Variants in GAREM1 observed in about 807,000 individuals in gnomAD.
The protein encoded by GAREM1 is GRB2-associated and regulator of MAPK protein 1.
GAREM1 carries 26 observed loss-of-function variants against 71.3 expected under a neutral mutation model. The ratio of observed to expected loss-of-function variants is 0.36; its 90% CI spans 0.27 to 0.51. The LOEUF is 0.51. Ranked by LOEUF, GAREM1 falls within the 20% of genes least tolerant of loss-of-function variation. GAREM1 has a pLI of 0.95. For missense variants in GAREM1, 1,026 were observed against 1,103.1 expected (o/e 0.93, Z 0.99); for synonymous variants, 440 against 433.2 (o/e 1.02, Z -0.20).
At chr18:32,278,133 C>T (rs1020726880) in intron 4 of GAREM1, among the ~76,000 whole-genome samples, 2 of 152,078 alleles carry the variant, frequency 1.3e-5, no homozygotes, top group African/African-American at 2.4e-5. Context: ...GCTTAAGAAA[C>T]GTAAAAGGAC....
At chr18:32,382,487 A>C (rs1399511778) in intron 2 of GAREM1, among the ~76,000 whole-genome samples, 3 of 152,100 alleles carry the variant, frequency 2.0e-5, no homozygotes, top group Admixed American at 2.0e-4. Context: ...AACAACCAAC[A>C]ACCTGGTGTG....
intron 1 of GAREM1, among the ~76,000 whole-genome samples, chr18:32,451,248 T>TCCCCCCCCCCCCCCCCCCC (rs1164223308): frequency 9.8e-6 from 1 of 102,526 alleles, no homozygotes; most frequent in African/African-American, 3.4e-5. Context: ...AGAGCCCCCA[T>TCCCCCCCCCCCCCCCCCCC]CCCCCCACCC....
intron 2 of GAREM1, among the ~76,000 whole-genome samples, chr18:32,345,307 C>T (rs1323174029): frequency 6.6e-6 from 1 of 152,072 alleles, no homozygotes; most frequent in African/African-American, 2.4e-5. Flanking sequence ...CCAGTATTAC[C>T]AATATAGCAC....
At chr18:32,467,767 G>A (rs1017746605) in intron 1 of GAREM1, among the ~76,000 whole-genome samples, 6 of 152,088 alleles carry the variant, frequency 3.9e-5, no homozygotes, top group Admixed American at 6.5e-5. Context: ...CTAAGTATAG[G>A]GTGGGCGTGT....
chr18:32,282,530 TTTTG>T lies in GAREM1; in HGVS notation c.1566+4497_1566+4500del, dbSNP rs912241801. ...TAGAAGAGCTGTGAACCTGCAGGGT[TTTTG>T]TTTGTTTGTTTGTTTTTCTGAGACT... On this transcript the variant is annotated intron_variant, in intron 4 of 5. Transcript: ENST00000269209. Among the ~76,000 whole-genome samples, 29 of 152,184 alleles carry T rather than the reference TTTTG, an allele frequency of 1.9e-4. No individual in the cohort carries two copies. In the South Asian group the frequency reaches 2.1e-3, roughly 11 times the overall value.
Position 32,307,242 on chromosome 18 carries a change from T to C in GAREM1, c.393+2951A>G, listed in dbSNP as rs186879574. On this transcript the variant is annotated intron_variant, in intron 3 of 5. Coordinates refer to ENST00000269209, the MANE Select transcript of GAREM1 (RefSeq NM_001242409.2). ...AATAATAATGTCTTGATTATCATGA[T>C]GCCAGGTAACTATCAATTTTTAACT... Among the ~76,000 whole-genome samples, 78 of 152,326 alleles carry C rather than the reference T, an allele frequency of 5.1e-4. 1 individual carries two copies. The East Asian group carries it at 0.014, about 28-fold the overall frequency.
At chr18:32,293,666 G>A (rs2047110198) in intron 3 of GAREM1, among the ~76,000 whole-genome samples, 1 of 152,146 alleles carries the variant, frequency 6.6e-6, no homozygotes, top group South Asian at 2.1e-4. Flanking sequence ...GGTGATTAAG[G>A]AGGTTATATG....
intron 2 of GAREM1, among the ~76,000 whole-genome samples, chr18:32,368,982 T>C (rs947253373): frequency 6.6e-6 from 1 of 152,246 alleles, no homozygotes; most frequent in African/African-American, 2.4e-5. Context: ...AATTAGTCTG[T>C]ATTTGATCTC....
intron 2 of GAREM1, among the ~76,000 whole-genome samples, chr18:32,342,713 CA>C (rs1253217163): frequency 6.6e-6 from 1 of 152,162 alleles, no homozygotes; most frequent in African/African-American, 2.4e-5. Flanking sequence ...CTTATACATA[CA>C]AATTGAAAGG....
chr18:32,275,381 C>A (rs2144429322), intron 4 of GAREM1, among the ~76,000 whole-genome samples: 1 of 152,334 alleles, frequency 6.6e-6, no homozygotes, highest in African/African-American at 2.4e-5. Flanking sequence ...CAGGAATGAA[C>A]CTCCAACCCT....
chr18:32,299,041 A>C (rs896352663), intron 3 of GAREM1, among the ~76,000 whole-genome samples: 2 of 152,198 alleles, frequency 1.3e-5, no homozygotes, highest in Admixed American at 6.5e-5. Context: ...GCCAACTGGT[A>C]GTTTTTCAGA....
Position 32,267,763 on chromosome 18 carries a change from A to G in GAREM1, c.*108T>C, listed in dbSNP as rs570314142. 1.2e-4 allele frequency: 95 copies of G among 823,842 alleles called. 2 individuals carry two copies. In the South Asian group the frequency reaches 1.5e-3, roughly 13 times the overall value. The allele number at this position is 823,842 out of a possible 1,614,324, so 51.0% of individuals were successfully genotyped here. A position where few individuals can be genotyped will look rare whatever the true frequency, so the allele number is the denominator to read the frequency against. On this transcript the variant is annotated 3_prime_UTR_variant, in exon 6 of 6. Transcript: ENST00000269209. ...CATAGTAAGAGTTTCTCTTATCCCT[A>G]TTTACAGAGAAGGTTTTTAGTGCAA...
intron 2 of GAREM1, among the ~76,000 whole-genome samples, chr18:32,325,383 G>A (rs2047464864): frequency 6.6e-6 from 1 of 152,122 alleles, no homozygotes; most frequent in South Asian, 2.1e-4. Flanking sequence ...GGGTTATTAT[G>A]ACATGTCAGT....
intron 1 of GAREM1, among the ~76,000 whole-genome samples, chr18:32,459,874 G>T: frequency 6.6e-6 from 1 of 152,170 alleles, no homozygotes. Flanking sequence ...CTGTCCTGGG[G>T]TTATTCAAGT....
intron 2 of GAREM1, among the ~76,000 whole-genome samples, chr18:32,388,630 T>C (rs11081760): frequency 0.02 from 3,048 of 152,316 alleles, 98 homozygotes; most frequent in African/African-American, 0.069. Flanking sequence ...CAAGACTGCA[T>C]AGCCTCATCA....
intron 4 of GAREM1, among the ~76,000 whole-genome samples, chr18:32,278,334 A>T (rs2041569771): frequency 6.6e-6 from 1 of 152,078 alleles, no homozygotes; most frequent in Non-Finnish European, 1.5e-5. Context: ...GGCGTGGGGG[A>T]GAGAGTATAC....
intron 2 of GAREM1, among the ~76,000 whole-genome samples, chr18:32,391,845 G>A (rs911015434): frequency 1.3e-5 from 2 of 152,118 alleles, no homozygotes; most frequent in African/African-American, 2.4e-5. Context: ...ATTTTTTTGA[G>A]TAAGAAGGAT....
chr18:32,411,875 T>TA (rs3980742), intron 1 of GAREM1, among the ~76,000 whole-genome samples: 69 of 141,492 alleles, frequency 4.9e-4, no homozygotes, highest in African/African-American at 8.6e-4. Flanking sequence ...CACAGCACAT[T>TA]AAAAAAAAAA....
At chr18:32,433,538 A>G (rs1397964141) in intron 1 of GAREM1, among the ~76,000 whole-genome samples, 1 of 152,068 alleles carries the variant, frequency 6.6e-6, no homozygotes, top group Non-Finnish European at 1.5e-5. Context: ...TTCAGAGAAC[A>G]TAAATATCTA....
Sources: allele counts gnomAD v4.1 joint callset (sites outside exome capture counted in the v4.1 genomes callset), GRCh38; gene constraint gnomAD v4.1.1; transcripts MANE v1.5; gene names NCBI Gene and HGNC (gene_info 2026-07-23, HGNC 2026-07-21).